The following CBFA2T2 variants were observed in gnomAD, a reference collection of about 807,000 sequenced individuals.
The protein encoded by CBFA2T2 is CBFA2/RUNX1 partner transcriptional co-repressor 2, also known as protein CBFA2T2.
Under a neutral mutation model 62.2 loss-of-function variants are expected in CBFA2T2, and 11 were observed. The observed-to-expected ratio is 0.18, with a 90% CI of 0.11 to 0.29. The LOEUF is 0.29. Among genes scored for constraint, CBFA2T2 ranks in the 10% least tolerant of loss-of-function variants. The pLI, the probability that CBFA2T2 is intolerant of heterozygous loss-of-function variation, is 1.00. For missense variants in CBFA2T2, 592 were observed against 774.1 expected (o/e 0.76, Z 2.79); for synonymous variants, 295 against 287.5 (o/e 1.03, Z -0.27).
intron 2 of CBFA2T2, among the ~76,000 whole-genome samples, chr20:33,609,597 T>C (rs757034504): frequency 6.6e-6 from 1 of 152,136 alleles, no homozygotes; most frequent in Non-Finnish European, 1.5e-5. Context: ...AACAGCAGTA[T>C]GTGTCAAAGA....
At chr20:33,640,640 C>A in intron 10 of CBFA2T2, 109 bp downstream of exon 10, 1 of 954,302 alleles carries the variant, frequency 1.0e-6, no homozygotes, top group East Asian at 2.6e-5. Flanking sequence ...CTCTTGAGCT[C>A]AATGAGGATA....
chr20:33,502,819 G>C (rs1364753383), intron 1 of CBFA2T2, among the ~76,000 whole-genome samples: 1 of 150,012 alleles, frequency 6.7e-6, no homozygotes, highest in African/African-American at 2.4e-5. Context: ...GGCCGGGCGC[G>C]GTGGCTCACG....
intron 2 of CBFA2T2, among the ~76,000 whole-genome samples, chr20:33,610,770 A>G (rs1299733642): frequency 6.6e-6 from 1 of 152,158 alleles, no homozygotes; most frequent in East Asian, 1.9e-4. Flanking sequence ...GGAAAGATCT[A>G]TTGGCCCAGA....
At chr20:33,504,196 A>G (rs754591243) in intron 1 of CBFA2T2, among the ~76,000 whole-genome samples, 2 of 151,934 alleles carry the variant, frequency 1.3e-5, no homozygotes, top group African/African-American at 2.4e-5. Flanking sequence ...ACGTTGTGTC[A>G]TGTATCTATA....
chr20:33,571,835 A>G (rs2013582984), intron 1 of CBFA2T2, among the ~76,000 whole-genome samples: 1 of 151,986 alleles, frequency 6.6e-6, no homozygotes, highest in South Asian at 2.1e-4. Context: ...GTTGACAGTT[A>G]TTTTCCATTA....
chr20:33,616,862 CAT>C (rs1423604847), intron 3 of CBFA2T2, among the ~76,000 whole-genome samples: 2 of 152,162 alleles, frequency 1.3e-5, no homozygotes, highest in African/African-American at 4.8e-5. Flanking sequence ...TGCTCTGACA[CAT>C]CTTTCCCAAA....
At chr20:33,584,858 A>T (rs970764757) in intron 1 of CBFA2T2, among the ~76,000 whole-genome samples, 1 of 152,286 alleles carries the variant, frequency 6.6e-6, no homozygotes, top group Non-Finnish European at 1.5e-5. Flanking sequence ...CCAAAACATG[A>T]TATCCTTTAA....
intron 1 of CBFA2T2, among the ~76,000 whole-genome samples, chr20:33,593,326 T>C (rs964013807): frequency 1.5e-4 from 22 of 150,734 alleles, no homozygotes; most frequent in African/African-American, 5.4e-4. Flanking sequence ...TGAGATTCCG[T>C]CTCAAAAACA....
intron 1 of CBFA2T2, 74 bp downstream of exon 1, chr20:33,490,375 G>C: frequency 1.6e-6 from 2 of 1,216,798 alleles, no homozygotes; most frequent in Non-Finnish European, 2.1e-6. Flanking sequence ...CGGTGATTCC[G>C]AGTGCCCCGG....
At chr20:33,581,974 C>T in intron 1 of CBFA2T2, among the ~76,000 whole-genome samples, 1 of 152,146 alleles carries the variant, frequency 6.6e-6, no homozygotes, top group South Asian at 2.1e-4. Flanking sequence ...TGACCCCAAA[C>T]AGAATCTGAG....
intron 1 of CBFA2T2, among the ~76,000 whole-genome samples, chr20:33,505,839 C>T (rs2011393774): frequency 6.6e-6 from 1 of 151,884 alleles, no homozygotes; most frequent in Admixed American, 6.6e-5. Flanking sequence ...GCTTGTAATC[C>T]TAACACTTTG....
At chr20:33,527,490 A>G (rs189519251) in intron 1 of CBFA2T2, among the ~76,000 whole-genome samples, 53 of 150,230 alleles carry the variant, frequency 3.5e-4, no homozygotes, top group African/African-American at 1.2e-3. Context: ...CTCCTGCCTC[A>G]GCCTCCCAAG....
intron 1 of CBFA2T2, chr20:33,600,363 T>G: frequency 4.1e-6 from 1 of 243,866 alleles, no homozygotes; most frequent in Non-Finnish European, 8.5e-6. Context: ...AGCTAATTTT[T>G]GTTTAGTAGA....
chr20:33,626,747 A>G (rs2122345661), intron 6 of CBFA2T2, among the ~76,000 whole-genome samples: 1 of 152,270 alleles, frequency 6.6e-6, no homozygotes, highest in Admixed American at 6.5e-5. Context: ...CATCTTTCAG[A>G]CGCTTGGCCA....
intron 1 of CBFA2T2, among the ~76,000 whole-genome samples, chr20:33,549,865 T>A (rs1430800543): frequency 1.3e-4 from 19 of 150,802 alleles, no homozygotes; most frequent in Non-Finnish European, 2.4e-4. Flanking sequence ...CTGCTGCTTT[T>A]TTTTTTTTTT....
chr20:33,648,267 C>CA lies in CBFA2T2; in HGVS notation c.*3622dup, dbSNP rs2017119530. 1 of 152,260 alleles carries CA rather than the reference C, an allele frequency of 6.6e-6. No homozygotes were observed. The highest frequency in any genetic ancestry group is 1.5e-5 in the Non-Finnish European group (1 of 68,056). The allele number at this position is 152,260 out of a possible 1,614,324, so 9.4% of individuals were successfully genotyped here. A position where few individuals can be genotyped will look rare whatever the true frequency, so the allele number is the denominator to read the frequency against. On this transcript the variant is annotated 3_prime_UTR_variant, in exon 11 of 11. Transcript: ENST00000342704. ...AGAGATGCAACATGTGACTGGCCAT[C>CA]AGCCAGACATGTCTAGGGTGAGACC...
intron 1 of CBFA2T2, among the ~76,000 whole-genome samples, chr20:33,527,955 G>C (rs1410634304): frequency 6.6e-6 from 1 of 151,984 alleles, no homozygotes; most frequent in Non-Finnish European, 1.5e-5. Flanking sequence ...CAACTTCTGG[G>C]CTCAAGCAGT....
At chr20:33,496,209 T>C (rs964192796) in intron 1 of CBFA2T2, among the ~76,000 whole-genome samples, 1 of 152,202 alleles carries the variant, frequency 6.6e-6, no homozygotes, top group African/African-American at 2.4e-5. Flanking sequence ...GTCTACTGGC[T>C]GAAGGTAGTT....
At chr20:33,568,217 C>T (rs1346710761) in intron 1 of CBFA2T2, among the ~76,000 whole-genome samples, 1 of 152,222 alleles carries the variant, frequency 6.6e-6, no homozygotes, top group Non-Finnish European at 1.5e-5. Flanking sequence ...ATACTTCCTG[C>T]ATCAGCACTC....
Sources: allele counts gnomAD v4.1 joint callset (sites outside exome capture counted in the v4.1 genomes callset), GRCh38; gene constraint gnomAD v4.1.1; transcripts MANE v1.5; gene names NCBI Gene and HGNC (gene_info 2026-07-23, HGNC 2026-07-21).